Variants in BCL11A observed in about 807,000 individuals in gnomAD.
BCL11A encodes B cell CLL/lymphoma 11A.
BCL11A carries 2 observed loss-of-function variants against 55.9 expected under a neutral mutation model. The observed-to-expected ratio is 0.04, with a 90% CI of 0.01 to 0.11. BCL11A has a LOEUF of 0.11. Among genes scored for constraint, BCL11A ranks in the 10% least tolerant of loss-of-function variants. The probability of loss-of-function intolerance (pLI) is 1.00; values close to 1 mark genes in which losing one functional copy is unlikely to be tolerated. For missense variants in BCL11A, 817 were observed against 1,137.1 expected (o/e 0.72, Z 4.05); for synonymous variants, 465 against 473.4 (o/e 0.98, Z 0.23).
In BCL11A at chr2:60,461,235, G is replaced by T; in HGVS notation, c.1677C>A (p.Ser559Arg). The change falls in exon 4 of 4, where the codon AGC (serine) becomes AGA (arginine). Residue 559 changes from serine (S) to arginine (R), a missense_variant. By Grantham distance (110) the Ser-to-Arg change is moderately radical. Transcript: ENST00000642384. ...CGCCCAGGACCTGGTGGAAGGCCTC[G>T]CTGAAGTGCTGCATGGAGCTGAGCA... Reference protein sequence around the residue: ...GMVLSSMQHFSEAFHQVLGEK... With the variant: ...GMVLSSMQHFREAFHQVLGEK... 6.2e-7 allele frequency: 1 copy of T among 1,610,148 alleles called. No homozygotes were observed. The highest frequency in any genetic ancestry group is 8.5e-7 in the Non-Finnish European group (1 of 1,179,772).
At chr2:60,519,689 TTTCTG>T (rs1296356075) in intron 2 of BCL11A, among the ~76,000 whole-genome samples, 1 of 152,196 alleles carries the variant, frequency 6.6e-6, no homozygotes, top group African/African-American at 2.4e-5. Context: ...ATCTTGTAGA[TTTCTG>T]AGGCCAGTTC....
At chr2:60,453,624 G>A (rs1675816170), downstream of BCL11A, among the ~76,000 whole-genome samples, 1 of 152,240 alleles carries the variant, frequency 6.6e-6, no homozygotes, top group Non-Finnish European at 1.5e-5. Context: ...CTAAGTCACT[G>A]TCGTCGAGGC....
intron 2 of BCL11A, among the ~76,000 whole-genome samples, chr2:60,495,963 A>G (rs866857771): frequency 1.4e-4 from 19 of 133,404 alleles, no homozygotes; most frequent in African/African-American, 2.3e-4. Context: ...ATTCTTAGCT[A>G]TTTTTTAAAA....
chr2:60,527,683 C>T (rs1398060127), intron 2 of BCL11A: 1 of 152,216 alleles, frequency 6.6e-6, no homozygotes, highest in African/African-American at 2.4e-5. Context: ...ATCCGATACT[C>T]GCCAGTGCTG....
rs1409510543 is a variant in BCL11A at position 60,460,222 on chromosome 2, T to C, written c.*182A>G. The C allele has an allele frequency of 1.3e-5, 17 of 1,297,268 alleles. No individual in the cohort carries two copies. The allele number at this position is 1,297,268 out of a possible 1,614,324, so 80.4% of individuals were successfully genotyped here. ...GAAAAAGAAAAAGAAAAAAAACAGG[T>C]GTGCTGGTGACAAGCACTCTCATAT... On this transcript the variant is annotated 3_prime_UTR_variant, in exon 4 of 4. Transcript: ENST00000642384.
intron 2 of BCL11A, among the ~76,000 whole-genome samples, chr2:60,538,908 C>T (rs960059089): frequency 1.3e-5 from 2 of 152,110 alleles, no homozygotes; most frequent in African/African-American, 2.4e-5. Flanking sequence ...AATATTCAAA[C>T]GCCTGTAATT....
Position 60,552,896 on chromosome 2 carries a change from G to C in BCL11A, c.55+320C>G, listed in dbSNP as rs551941847. Reference sequence around the variant, plus strand: ...TATTTTGCAAAACTGGCGGGGCGGGGGGGGAGTGGAATCATTGCATTCCTT... The same window carrying C: ...TATTTTGCAAAACTGGCGGGGCGGGCGGGGAGTGGAATCATTGCATTCCTT... On this transcript the variant is annotated intron_variant, in intron 1 of 3. Transcript: ENST00000642384. Among the ~76,000 whole-genome samples, 14 of 152,172 alleles carry C rather than the reference G, an allele frequency of 9.2e-5. No individual in the cohort carries two copies. In the South Asian group the frequency reaches 1.5e-3, roughly 16 times the overall value.
chr2:60,474,310 C>CA (rs368221919), intron 2 of BCL11A, among the ~76,000 whole-genome samples: 12,501 of 144,704 alleles, frequency 0.086, 663 homozygotes, highest in Non-Finnish European at 0.13. Flanking sequence ...CATATAATTC[C>CA]AAAAAAAAAA....
intron 2 of BCL11A, chr2:60,538,275 G>A (rs901602251): frequency 2.0e-5 from 3 of 152,226 alleles, no homozygotes; most frequent in Non-Finnish European, 2.9e-5. Context: ...GCGAGCTGAG[G>A]CCCAGCCTAG....
intron 3 of BCL11A, among the ~76,000 whole-genome samples, chr2:60,468,035 A>ATGGTAC (rs1558620971): frequency 6.7e-4 from 6 of 8,926 alleles, no homozygotes; most frequent in South Asian, 5.6e-3. Flanking sequence ...AGTGGTGGTG[A>ATGGTAC]TGGTGGTGAT....
At chr2:60,530,800 C>G (rs1295323965) in intron 2 of BCL11A, among the ~76,000 whole-genome samples, 3 of 152,124 alleles carry the variant, frequency 2.0e-5, no homozygotes, top group Non-Finnish European at 4.4e-5. Context: ...ACAACCACAA[C>G]CAGGGCCTGC....
chr2:60,517,868 ACTAT>A (rs1254312218), intron 2 of BCL11A, among the ~76,000 whole-genome samples: 1 of 151,008 alleles, frequency 6.6e-6, no homozygotes. Context: ...CACGAAGGAA[ACTAT>A]CTATGCTCAA....
At chr2:60,544,047 T>TA (rs1553352455) in intron 2 of BCL11A, 2 of 152,076 alleles carry the variant, frequency 1.3e-5, no homozygotes, top group Non-Finnish European at 2.9e-5. Context: ...TGTAAGGCCT[T>TA]CCCCCCAGCA....
intron 2 of BCL11A, among the ~76,000 whole-genome samples, chr2:60,498,184 G>A (rs919731666): frequency 4.6e-5 from 7 of 151,794 alleles, no homozygotes; most frequent in Admixed American, 6.6e-5. Flanking sequence ...CTATGTAGAC[G>A]GGTGTGTGGC....
chr2:60,529,966 T>C (rs1669373926), intron 2 of BCL11A, among the ~76,000 whole-genome samples: 1 of 152,188 alleles, frequency 6.6e-6, no homozygotes. Flanking sequence ...GGAAATTCAA[T>C]TACTTCGCCA....
chr2:60,458,423 T>TA lies in BCL11A; in HGVS notation c.*1980dup, dbSNP rs997723521. On this transcript the variant is annotated 3_prime_UTR_variant, in exon 4 of 4. Coordinates refer to ENST00000642384, the MANE Select transcript of BCL11A (RefSeq NM_022893.4). ...CCCCTAAACATAATGAAGTGTTTTTTAAAAAAAATTTTTCTTAACATTTAT... is the reference window on the plus strand; with the variant it reads ...CCCCTAAACATAATGAAGTGTTTTTTAAAAAAAAATTTTTCTTAACATTTAT... The TA allele has an allele frequency of 3.8e-4, 390 of 1,020,540 alleles. No individual in the cohort carries two copies. The highest frequency in any genetic ancestry group is 4.4e-4 in the Non-Finnish European group (377 of 849,606). 63.2% of individuals were successfully genotyped at this position (1,020,540 alleles called of 1,614,324 possible).
At chr2:60,470,267 G>A (rs576632248) in intron 2 of BCL11A, among the ~76,000 whole-genome samples, 1 of 152,096 alleles carries the variant, frequency 6.6e-6, no homozygotes, top group Non-Finnish European at 1.5e-5. Flanking sequence ...ACACCACAAA[G>A]TGAACCAACA....
intron 2 of BCL11A, among the ~76,000 whole-genome samples, chr2:60,479,638 C>A (rs915602534): frequency 2.0e-5 from 3 of 152,150 alleles, no homozygotes; most frequent in Admixed American, 6.5e-5. Context: ...GGCAGGCTGA[C>A]GCGGTTTCAA....
intron 2 of BCL11A, chr2:60,544,212 A>G (rs1271601196): frequency 1.3e-5 from 2 of 152,224 alleles, no homozygotes; most frequent in African/African-American, 2.4e-5. Context: ...TCGATATGTA[A>G]ATACGATGTT....
Sources: allele counts gnomAD v4.1 joint callset (sites outside exome capture counted in the v4.1 genomes callset), GRCh38; gene constraint gnomAD v4.1.1; transcripts MANE v1.5; gene names NCBI Gene and HGNC (gene_info 2026-07-23, HGNC 2026-07-21).